HEXB: variants seen among roughly 807,000 people sequenced by gnomAD.
The protein encoded by HEXB is hexosaminidase subunit beta.
In HEXB, 51 loss-of-function variants were observed where a neutral mutation model predicts 71.2. That is an observed-to-expected ratio of 0.72 (90% confidence interval 0.57 to 0.90). The LOEUF (loss-of-function observed/expected upper bound fraction) is 0.90, where lower values mean the gene tolerates loss of function less well. Ranked by LOEUF, HEXB falls within the 40% of genes least tolerant of loss-of-function variation. The pLI, the probability that HEXB is intolerant of heterozygous loss-of-function variation, is 0.00. For missense variants in HEXB, 617 were observed against 677.0 expected, an observed-to-expected ratio of 0.91 and a Z score of 0.98; for synonymous variants, 266 against 249.3, an observed-to-expected ratio of 1.07 and a Z score of -0.63.
At position 74,705,230 on chromosome 5, in the gene HEXB, T is replaced by C. The variant is rs750055535; in HGVS notation, c.681T>C (p.Ala227=). 6.2e-7 allele frequency: 1 copy of C among 1,604,696 alleles called. No homozygotes were observed. Among genetic ancestry groups the C allele is most frequent in the Non-Finnish European group, 8.5e-7 (1 of 1,171,482 alleles). ...ATGTTTGCTTGCAGGATGCCATGGC[T>C]TTTAATAAGTTTAATGTTCTTCACT... ...KIILKTLDAM[A]FNKFNVLHWH... Residue 227 remains alanine, a synonymous_variant, in exon 6 of 14, where the codon GCT becomes GCC. Coordinates refer to ENST00000261416, the MANE Select transcript of HEXB (RefSeq NM_000521.4).
intron 1 of HEXB, among the ~76,000 whole-genome samples, chr5:74,651,929 C>A (rs375759608): frequency 3.3e-5 from 5 of 152,170 alleles, no homozygotes; most frequent in African/African-American, 1.2e-4. Flanking sequence ...GTTATTAATT[C>A]GAACATGCCA....
chr5:74,684,674 C>CTTTT (rs1191674612), upstream of HEXB, among the ~76,000 whole-genome samples: 9 of 133,900 alleles, frequency 6.7e-5, no homozygotes, highest in African/African-American at 1.5e-4. Context: ...TTTTTCTTTT[C>CTTTT]TTTTTTTTTT....
chr5:74,657,568 A>T (rs1748243361), intron 1 of HEXB, among the ~76,000 whole-genome samples: 1 of 152,238 alleles, frequency 6.6e-6, no homozygotes. Flanking sequence ...CAAGCTCCAC[A>T]TGGGGAAGAA....
chr5:74,705,152 G>A (rs113981783), intron 5 of HEXB, 67 bp from the exon 6 acceptor site: 1 of 830,094 alleles, frequency 1.2e-6, no homozygotes. Context: ...AATTCCAAAT[G>A]TAGATAGGTA....
chr5:74,658,058 G>GGGTACT (rs1459663355), intron 1 of HEXB, among the ~76,000 whole-genome samples: 1 of 152,156 alleles, frequency 6.6e-6, no homozygotes, highest in Non-Finnish European at 1.5e-5. Flanking sequence ...TGAATCCCTA[G>GGGTACT]GGTACTGGCA....
chr5:74,656,087 G>T (rs150032375), intron 1 of HEXB, among the ~76,000 whole-genome samples: 2 of 152,300 alleles, frequency 1.3e-5, no homozygotes, highest in African/African-American at 4.8e-5. Context: ...CCACCTTGGG[G>T]TTGGTCTCAG....
upstream of HEXB, chr5:74,685,091 G>A: frequency 1.5e-6 from 1 of 687,202 alleles, no homozygotes; most frequent in Non-Finnish European, 2.3e-6. Flanking sequence ...GGACAGGGCG[G>A]GCTGGGCGAG....
chr5:74,712,286 TG>T (rs1394753742), intron 6 of HEXB, among the ~76,000 whole-genome samples: 1 of 53,690 alleles, frequency 1.9e-5, no homozygotes, highest in Non-Finnish European at 3.9e-5. Context: ...TGTTGTGGGG[TG>T]GGGGAGGGGG....
intron 5 of HEXB, among the ~76,000 whole-genome samples, chr5:74,702,307 T>C (rs1012536694): frequency 3.3e-5 from 5 of 151,786 alleles, no homozygotes; most frequent in Admixed American, 6.6e-5. Context: ...CTCGATCTCC[T>C]GACCTCGTGA....
intron 1 of HEXB, among the ~76,000 whole-genome samples, chr5:74,674,025 G>A (rs1352865594): frequency 6.6e-6 from 1 of 152,100 alleles, no homozygotes; most frequent in Non-Finnish European, 1.5e-5. Flanking sequence ...CAACTCCAAA[G>A]GAATGGAGTT....
rs866226304 is a variant in HEXB, at chr5:74,641,472, G to A, written c.-377+914G>A. 5 of 152,358 alleles carry A rather than the reference G, an allele frequency of 3.3e-5. No individual in the cohort carries two copies. Among genetic ancestry groups the A allele is most frequent in the Admixed American group, 1.3e-4 (2 of 15,296 alleles). The allele number at this position is 152,358 out of a possible 1,614,324, so 9.4% of individuals were successfully genotyped here. A position where few individuals can be genotyped will look rare whatever the true frequency, so the allele number is the denominator to read the frequency against. On this transcript the variant is annotated intron_variant, in intron 1 of 13. Coordinates refer to the HEXB transcript ENST00000511181. This position sits in a 1 kb window ranked among gnomAD's most constrained non-coding sequence, Gnocchi z 4.1. Reference sequence around the variant, plus strand: ...GGGCAGCCGGGGCGCAGTCCTGCGGGGCGCGCACCACGTGCTTTTCAGCCA... The same window carrying A: ...GGGCAGCCGGGGCGCAGTCCTGCGGAGCGCGCACCACGTGCTTTTCAGCCA...
intron 1 of HEXB, among the ~76,000 whole-genome samples, chr5:74,676,229 C>G (rs2112109220): frequency 6.6e-6 from 1 of 152,206 alleles, no homozygotes; most frequent in East Asian, 1.9e-4. Flanking sequence ...TTTATTTGGG[C>G]CAAGCTTGAG....
intron 1 of HEXB, among the ~76,000 whole-genome samples, chr5:74,666,396 A>G (rs1261706116): frequency 1.3e-5 from 2 of 152,270 alleles, no homozygotes; most frequent in Non-Finnish European, 2.9e-5. Flanking sequence ...ATAGTAGGTC[A>G]AGTTGGCAGT....
At position 74,720,697 on chromosome 5, in the gene HEXB, T is replaced by C. The variant is rs2112186134; in HGVS notation, c.1563T>C (p.Asp521=). The C allele has an allele frequency of 1.2e-6, 2 of 1,614,186 alleles. No homozygotes were observed. Among genetic ancestry groups the C allele is most frequent in the African/African-American group, 1.3e-5 (1 of 75,048 alleles). The stretch of plus-strand genomic sequence containing the variant: ...TCTGGAGTTCCAAAGATGTCAGAGA[T>C]ATGGATGACGCCTATGACAGACTGA... ...ERLWSSKDVR[D]MDDAYDRLTR... The change falls in exon 13 of 14, where the codon GAT becomes GAC. Residue 521 remains aspartate (D), a synonymous_variant. Transcript: ENST00000261416.
At chr5:74,714,303 T>G (rs1014443265) in intron 7 of HEXB, among the ~76,000 whole-genome samples, 1 of 152,226 alleles carries the variant, frequency 6.6e-6, no homozygotes, top group Admixed American at 6.5e-5. Flanking sequence ...CAAGTCATTG[T>G]GATTAGGTAC....
intron 1 of HEXB, among the ~76,000 whole-genome samples, chr5:74,669,336 C>A (rs1000601700): frequency 1.1e-4 from 16 of 151,742 alleles, no homozygotes; most frequent in African/African-American, 3.6e-4. Context: ...TTATTCAAAT[C>A]TAAGCTAAAA....
intron 2 of HEXB, among the ~76,000 whole-genome samples, chr5:74,690,781 G>C (rs2112131730): frequency 6.7e-6 from 1 of 150,162 alleles, no homozygotes; most frequent in East Asian, 2.0e-4. Context: ...TCTTCATCCT[G>C]CTGGTTTAGA....
chr5:74,712,001 A>G lies in HEXB; in HGVS notation c.772-1505A>G, dbSNP rs1233720052. The stretch of plus-strand genomic sequence containing the variant: ...GCACACGTATGTTTATTGTGGCACT[A>G]TTCACAATAGCAAAGACTTGGAACC... On this transcript the variant is annotated intron_variant, in intron 6 of 13. Transcript: ENST00000261416. Among the ~76,000 whole-genome samples, 188 of 148,274 alleles carry G rather than the reference A, an allele frequency of 1.3e-3. 1 individual carries two copies. Among genetic ancestry groups the G allele is most frequent in the African/African-American group, 4.5e-3 (179 of 39,494 alleles).
intron 1 of HEXB, among the ~76,000 whole-genome samples, chr5:74,666,320 T>C (rs889960721): frequency 2.0e-5 from 3 of 151,836 alleles, no homozygotes. Context: ...AATTGCCTCT[T>C]AGGCAAGCAC....
Sources: gnomAD v4.1 joint callset for allele counts (sites outside exome capture counted in the v4.1 genomes callset) on GRCh38, gnomAD v4.1.1 for gene constraint, Gnocchi (gnomAD v3.1) non-coding constraint, MANE v1.5 for transcripts, NCBI Gene and HGNC (gene_info 2026-07-23, HGNC 2026-07-21) for gene names.